Variants in RALGAPA1 observed in about 807,000 individuals in gnomAD.
RALGAPA1 encodes the protein Ral GTPase activating protein catalytic subunit alpha 1, also known as ral GTPase-activating protein subunit alpha-1.
A neutral mutation model predicts 269.6 loss-of-function variants in RALGAPA1; 52 were observed. The ratio of observed to expected loss-of-function variants is 0.19; its 90% CI spans 0.15 to 0.24. RALGAPA1 has a LOEUF of 0.24. Ranked by LOEUF, RALGAPA1 falls within the 10% of genes least tolerant of loss-of-function variation. The pLI is 1.00. For synonymous variants in RALGAPA1, 817 were observed against 1,008.3 expected, an observed-to-expected ratio of 0.81 and a Z score of 3.60; for missense variants, 1,917 against 3,013.9, an observed-to-expected ratio of 0.64 and a Z score of 8.52.
chr14:35,679,825 G>C (rs997021891), intron 21 of RALGAPA1, among the ~76,000 whole-genome samples: 2 of 152,008 alleles, frequency 1.3e-5, no homozygotes, highest in African/African-American at 2.4e-5. Flanking sequence ...GTGATATCAG[G>C]TGTTATCACA....
At chr14:35,540,148 G>A (rs150812445) in intron 41 of RALGAPA1, among the ~76,000 whole-genome samples, 2 of 152,092 alleles carry the variant, frequency 1.3e-5, no homozygotes, top group Admixed American at 1.3e-4. Context: ...TTTCAAAAAG[G>A]AAGTCAGTTT....
intron 26 of RALGAPA1, among the ~76,000 whole-genome samples, chr14:35,670,633 G>A (rs188192867): frequency 2.0e-4 from 30 of 152,208 alleles, no homozygotes; most frequent in African/African-American, 7.0e-4. Context: ...CAATTTGAGA[G>A]TTTACTCCTG....
At chr14:35,751,971 A>G (rs2072753579) in intron 8 of RALGAPA1, 53 bp downstream of exon 8, 1 of 1,540,558 alleles carries the variant, frequency 6.5e-7, no homozygotes, top group Non-Finnish European at 8.7e-7. Flanking sequence ...TTACAGTAAG[A>G]GATTATTTTA....
At chr14:35,656,917 T>C (rs1382620398) in intron 28 of RALGAPA1, among the ~76,000 whole-genome samples, 2 of 152,180 alleles carry the variant, frequency 1.3e-5, no homozygotes, top group Non-Finnish European at 2.9e-5. Flanking sequence ...GAAACATCTA[T>C]AATCCTAAAG....
intron 35 of RALGAPA1, among the ~76,000 whole-genome samples, chr14:35,623,362 T>TAC (rs1041190884): frequency 1.3e-5 from 2 of 150,386 alleles, no homozygotes; most frequent in African/African-American, 2.4e-5. Context: ...CACACAGACA[T>TAC]ACACACACAC....
chr14:35,761,141 G>A, intron 5 of RALGAPA1, 135 bp from the exon 6 acceptor site: 1 of 561,532 alleles, frequency 1.8e-6, no homozygotes, highest in East Asian at 2.9e-5. Context: ...AGGGGAAGTT[G>A]AGGAGAAGAG....
chr14:35,656,406 T>C (rs1389878944), intron 28 of RALGAPA1, among the ~76,000 whole-genome samples: 1 of 152,164 alleles, frequency 6.6e-6, no homozygotes, highest in Non-Finnish European at 1.5e-5. Context: ...TATTTTAAAA[T>C]CCAACAGAAA....
chr14:35,544,217 G>A (rs1301966716), intron 41 of RALGAPA1, among the ~76,000 whole-genome samples: 1 of 152,190 alleles, frequency 6.6e-6, no homozygotes, highest in East Asian at 1.9e-4. Flanking sequence ...TGGGGGAAAA[G>A]AGATTTTTCA....
chr14:35,671,080 AC>A (rs1311685187), intron 26 of RALGAPA1, among the ~76,000 whole-genome samples: 1 of 152,166 alleles, frequency 6.6e-6, no homozygotes, highest in Non-Finnish European at 1.5e-5. Context: ...ATACACACAT[AC>A]ACTGTGTAAT....
intron 16 of RALGAPA1, among the ~76,000 whole-genome samples, chr14:35,711,398 T>C (rs1182485689): frequency 6.6e-6 from 1 of 152,200 alleles, no homozygotes; most frequent in Non-Finnish European, 1.5e-5. Flanking sequence ...TAAAAAAACC[T>C]TTTTTAGTGG....
intron 28 of RALGAPA1, among the ~76,000 whole-genome samples, chr14:35,657,793 G>A (rs1256166407): frequency 6.6e-6 from 1 of 151,496 alleles, no homozygotes; most frequent in Non-Finnish European, 1.5e-5. Flanking sequence ...AAAAGCCTCT[G>A]AAGACAAACT....
chr14:35,628,045 A>T (rs2061099267), intron 33 of RALGAPA1, 94 bp from the exon 34 acceptor site: 2 of 1,324,702 alleles, frequency 1.5e-6, no homozygotes, highest in Non-Finnish European at 2.1e-6. Context: ...GGATTTTATC[A>T]CATTGTTAAT....
chr14:35,695,817 C>G (rs909042334), intron 17 of RALGAPA1, among the ~76,000 whole-genome samples: 1 of 152,156 alleles, frequency 6.6e-6, no homozygotes, highest in African/African-American at 2.4e-5. Context: ...TGGCTTCTCT[C>G]TTATCTGTTT....
chr14:35,605,497 A>G, intron 36 of RALGAPA1, 89 bp downstream of exon 36: 1 of 1,364,900 alleles, frequency 7.3e-7, no homozygotes, highest in Non-Finnish European at 9.8e-7. Flanking sequence ...TATCTCCTAA[A>G]ATAATACTTC....
chr14:35,789,147 G>A (rs765603188), intron 1 of RALGAPA1, among the ~76,000 whole-genome samples: 3 of 152,104 alleles, frequency 2.0e-5, no homozygotes, highest in Non-Finnish European at 4.4e-5. Context: ...ACTTCATAGA[G>A]GCTATCTATT....
At chr14:35,793,003 C>T (rs1169869312) in intron 1 of RALGAPA1, among the ~76,000 whole-genome samples, 1 of 151,126 alleles carries the variant, frequency 6.6e-6, no homozygotes, top group Non-Finnish European at 1.5e-5. Context: ...AAAAAAGGAA[C>T]AGGTTCAAAT....
chr14:35,586,380 T>C (rs997388918), intron 37 of RALGAPA1, among the ~76,000 whole-genome samples: 10 of 152,234 alleles, frequency 6.6e-5, no homozygotes, highest in Non-Finnish European at 1.3e-4. Context: ...AAATATACAA[T>C]CATGTCATCT....
At position 35,721,759 on chromosome 14, in the gene RALGAPA1, T is replaced by C. The variant is rs766425829; in HGVS notation, c.2195A>G (p.Gln732Arg). 1.1e-5 allele frequency: 18 copies of C among 1,613,034 alleles called. No homozygotes were observed. The East Asian group carries it at 3.8e-4, about 34-fold the overall frequency. ...RDQPGQAPMRQRSATTTGSPG... is the reference protein window; with the variant it reads ...RDQPGQAPMRRRSATTTGSPG... Reference sequence around the variant, plus strand: ...AGAACCAGTGGTTGTTGCACTCCTCTGTCTCATTGGGGCTTGGCCAGGCTG... The same window carrying C: ...AGAACCAGTGGTTGTTGCACTCCTCCGTCTCATTGGGGCTTGGCCAGGCTG... The change falls in exon 16 of 42, where the codon CAG becomes CGG. Residue 732 changes from glutamine to arginine, a missense_variant. Coordinates refer to ENST00000680220, the MANE Select transcript of RALGAPA1 (RefSeq NM_001346249.2).
At chr14:35,711,656 C>T (rs559322792) in intron 16 of RALGAPA1, among the ~76,000 whole-genome samples, 56 of 152,140 alleles carry the variant, frequency 3.7e-4, no homozygotes, top group Non-Finnish European at 7.2e-4. Context: ...CACCATGTTA[C>T]GTAGGCTGGT....
Sources: gnomAD v4.1 joint callset for allele counts (sites outside exome capture counted in the v4.1 genomes callset) on GRCh38, gnomAD v4.1.1 for gene constraint, MANE v1.5 for transcripts, NCBI Gene and HGNC (gene_info 2026-07-23, HGNC 2026-07-21) for gene names.